Variants in LRMDA observed in about 807,000 individuals in gnomAD.
LRMDA encodes leucine-rich melanocyte differentiation-associated protein.
In LRMDA, 18 loss-of-function variants were observed where a neutral mutation model predicts 29.8. The observed-to-expected ratio is 0.60, with a 90% confidence interval of 0.42 to 0.90. LRMDA has a LOEUF of 0.90. LRMDA is among the 40% of genes least tolerant of loss of function. The pLI, the probability that LRMDA is intolerant of heterozygous loss-of-function variation, is 0.00. For synonymous variants in LRMDA, 125 were observed against 109.4 expected, an observed-to-expected ratio of 1.14 and a Z score of -0.89; for missense variants, 273 against 273.9, an observed-to-expected ratio of 1.00 and a Z score of 0.02.
intron 2 of LRMDA, among the ~76,000 whole-genome samples, chr10:75,725,531 G>C (rs550891533): frequency 6.6e-6 from 1 of 152,138 alleles, no homozygotes; most frequent in Admixed American, 6.5e-5. Flanking sequence ...TTTGAGTAGC[G>C]TTGTGTAAAT....
chr10:76,305,799 T>C (rs1347924256), intron 5 of LRMDA, among the ~76,000 whole-genome samples: 1 of 152,172 alleles, frequency 6.6e-6, no homozygotes, highest in Non-Finnish European at 1.5e-5. Context: ...ATGAAACTTT[T>C]GATGTTAACA....
chr10:76,004,597 A>G (rs2132472226), intron 2 of LRMDA, among the ~76,000 whole-genome samples: 1 of 152,320 alleles, frequency 6.6e-6, no homozygotes, highest in Admixed American at 6.5e-5. Context: ...CAGAAGTTTC[A>G]GGTATGGTCT....
intron 2 of LRMDA, among the ~76,000 whole-genome samples, chr10:75,628,247 T>A (rs1361416170): frequency 6.6e-6 from 1 of 152,210 alleles, no homozygotes; most frequent in African/African-American, 2.4e-5. Context: ...AGGATGATAG[T>A]GCATAAAGTT....
rs1421125750 is a variant in LRMDA, at chr10:76,058,722, C to T, written c.455C>T (p.Thr152Ile). 2 of 1,614,072 alleles carry T rather than the reference C, an allele frequency of 1.2e-6. No individual in the cohort carries two copies. Among genetic ancestry groups the T allele is most frequent in the Middle Eastern group, 1.6e-4 (1 of 6,062 alleles). Residue 152 changes from threonine to isoleucine, a missense_variant, in exon 5 of 7, where the codon ACC becomes ATC. Coordinates refer to ENST00000611255, the MANE Select transcript of LRMDA (RefSeq NM_001305581.2). ...AAATTTCTGGATGCCCAGAAAGTAA[C>T]CAGACAAGAACGAGAGGAGGCGTTG... is the stretch of plus-strand genomic sequence containing the variant. ...NLKFLDAQKV[T>I]RQEREEALVR...
intron 6 of LRMDA, among the ~76,000 whole-genome samples, chr10:76,444,862 T>C (rs1419187044): frequency 6.6e-6 from 1 of 152,190 alleles, no homozygotes; most frequent in Non-Finnish European, 1.5e-5. Context: ...TATACATATG[T>C]GCATATATTT....
chr10:76,306,368 T>G (rs892604813), intron 5 of LRMDA, among the ~76,000 whole-genome samples: 5 of 152,202 alleles, frequency 3.3e-5, no homozygotes, highest in African/African-American at 4.8e-5. Flanking sequence ...GTTGCTATAG[T>G]GGGTGCTGTT....
At chr10:75,831,449 C>G (rs1407856089) in intron 2 of LRMDA, among the ~76,000 whole-genome samples, 2 of 152,238 alleles carry the variant, frequency 1.3e-5, no homozygotes, top group African/African-American at 4.8e-5. Flanking sequence ...TCTTGGGCAG[C>G]TCTGCCCCTC....
At chr10:75,615,753 A>G (rs1429247225) in intron 2 of LRMDA, among the ~76,000 whole-genome samples, 2 of 152,180 alleles carry the variant, frequency 1.3e-5, no homozygotes, top group African/African-American at 4.8e-5. Flanking sequence ...TTTGACTTCA[A>G]GGCTGTGTAA....
At position 76,405,811 on chromosome 10, in the gene LRMDA, C is replaced by T. The variant is rs565769911; in HGVS notation, c.601+81326C>T. Among the ~76,000 whole-genome samples the T allele has an allele frequency of 2.8e-3, 434 of 152,298 alleles. 5 individuals carry two copies. Among genetic ancestry groups the T allele is most frequent in the Middle Eastern group, 0.027 (8 of 294 alleles). On this transcript the variant is annotated intron_variant, in intron 6 of 6. Coordinates refer to ENST00000611255, the MANE Select transcript of LRMDA (RefSeq NM_001305581.2). ...TTATTCCTATACTCTCCTCAGCCCC[C>T]GTGCGTTCCTTTTTCCTTTTCTGTG...
chr10:76,284,403 G>A lies in LRMDA; in HGVS notation c.517-39998G>A, dbSNP rs145579414. ...AGACAGGGAACACAGGCAGCCACTA[G>A]GAGCTGGGAAAGGCAAGGAAACGTG... On this transcript the variant is annotated intron_variant, in intron 5 of 6. Coordinates refer to ENST00000611255, the MANE Select transcript of LRMDA (RefSeq NM_001305581.2). 3.8e-3 allele frequency among the ~76,000 whole-genome samples: 578 copies of A among 152,218 alleles called. 3 individuals carry two copies. The highest frequency in any genetic ancestry group is 0.013 in the African/African-American group (559 of 41,530).
intron 5 of LRMDA, among the ~76,000 whole-genome samples, chr10:76,254,551 A>T (rs1852555560): frequency 6.6e-6 from 1 of 152,116 alleles, no homozygotes; most frequent in Non-Finnish European, 1.5e-5. Context: ...GGGGTCTCAT[A>T]TCTTCCATAC....
At chr10:75,766,663 C>A (rs1335613908) in intron 2 of LRMDA, among the ~76,000 whole-genome samples, 11 of 151,868 alleles carry the variant, frequency 7.2e-5, no homozygotes, top group African/African-American at 2.2e-4. Context: ...TTCTGGGATA[C>A]ATGTGCTGAA....
intron 2 of LRMDA, among the ~76,000 whole-genome samples, chr10:75,953,875 A>G (rs1274036083): frequency 1.3e-5 from 2 of 152,148 alleles, no homozygotes; most frequent in African/African-American, 4.8e-5. Context: ...GTTGTGTTAC[A>G]TGGAGTGGTG....
chr10:76,396,170 T>C (rs1385171250), intron 6 of LRMDA, among the ~76,000 whole-genome samples: 1 of 152,198 alleles, frequency 6.6e-6, no homozygotes, highest in Non-Finnish European at 1.5e-5. Flanking sequence ...CTGGGTTTCC[T>C]GTGTCAGATG....
At chr10:76,536,399 GT>G (rs1048405224) in intron 6 of LRMDA, among the ~76,000 whole-genome samples, 6 of 151,906 alleles carry the variant, frequency 3.9e-5, no homozygotes, top group African/African-American at 1.5e-4. Flanking sequence ...GTTCTCAAGG[GT>G]GGGCCCCAGA....
chr10:75,866,910 A>C (rs1564591137), intron 2 of LRMDA, among the ~76,000 whole-genome samples: 2 of 152,216 alleles, frequency 1.3e-5, no homozygotes, highest in Non-Finnish European at 2.9e-5. Flanking sequence ...AGGATGAAAA[A>C]GGAACTGTAT....
chr10:76,262,584 G>T (rs1388941196), intron 5 of LRMDA, among the ~76,000 whole-genome samples: 1 of 152,112 alleles, frequency 6.6e-6, no homozygotes, highest in Admixed American at 6.6e-5. Context: ...ATATGTGTTC[G>T]GCACCTACAT....
rs545369330 is a variant in LRMDA, at chr10:75,918,283, C to T, written c.132-117725C>T. Among the ~76,000 whole-genome samples the T allele has an allele frequency of 9.2e-5, 14 of 152,232 alleles. No homozygotes were observed. In the South Asian group the frequency reaches 2.9e-3, roughly 32 times the overall value. On this transcript the variant is annotated intron_variant, in intron 2 of 6. Transcript: ENST00000611255. ...CATTGGTATAAAGAACTATTTGAGA[C>T]TGGGTAATTTATTTTTTTAAAAAGA...
rs548953842 is a variant in LRMDA at position 75,791,004 on chromosome 10, A to G, written c.132-245004A>G. On this transcript the variant is annotated intron_variant, in intron 2 of 6. Transcript: ENST00000611255. ...CTCTTGCAGTTAATGTAACAGGTTT[A>G]AAACTCTGGTCTCAGCAGAAGGGGC... is the stretch of plus-strand genomic sequence containing the variant. Among the ~76,000 whole-genome samples, 5 of 152,328 alleles carry G rather than the reference A, an allele frequency of 3.3e-5. No homozygotes were observed. The South Asian group carries it at 1.0e-3, about 32-fold the overall frequency.
Sources: gnomAD v4.1 joint callset for allele counts (sites outside exome capture counted in the v4.1 genomes callset) on GRCh38, gnomAD v4.1.1 for gene constraint, MANE v1.5 for transcripts, NCBI Gene and HGNC (gene_info 2026-07-23, HGNC 2026-07-21) for gene names.